Variants in UBE2J2 observed in about 807,000 individuals in gnomAD.
UBE2J2 encodes ubiquitin conjugating enzyme E2 J2.
Under a neutral mutation model 28.6 loss-of-function variants are expected in UBE2J2, and 5 were observed. The observed-to-expected ratio is 0.17, with a 90% CI of 0.09 to 0.37. The LOEUF (loss-of-function observed/expected upper bound fraction) is 0.37. Among genes scored for constraint, UBE2J2 ranks in the 10% least tolerant of loss-of-function variants. The pLI is 1.00. For synonymous variants in UBE2J2, 138 were observed against 139.7 expected (o/e 0.99, Z 0.09); for missense variants, 226 against 338.9 (o/e 0.67, Z 2.62).
intron 3 of UBE2J2, among the ~76,000 whole-genome samples, chr1:1,261,305 G>A (rs1488845554): frequency 2.6e-5 from 4 of 152,216 alleles, no homozygotes; most frequent in Admixed American, 6.5e-5. Flanking sequence ...TCTCTGAAGG[G>A]AGGCTTTCCT....
Position 1,254,958 on chromosome 1 carries a change from C to A in UBE2J2, c.*245G>T, listed in dbSNP as rs1206810505. ...CAAAGACAACACGGAAGATAAGCTA[C>A]AAATCCAGCACACAAGGCCCACCCA... is the stretch of plus-strand genomic sequence containing the variant. On this transcript the variant is annotated 3_prime_UTR_variant, in exon 7 of 7. Transcript: ENST00000349431. 17 of 444,552 alleles carry A rather than the reference C, an allele frequency of 3.8e-5. No homozygotes were observed. Among genetic ancestry groups the A allele is most frequent in the Non-Finnish European group, 6.8e-5 (17 of 251,494 alleles). 27.5% of individuals were successfully genotyped at this position (444,552 alleles called of 1,614,324 possible).
At position 1,256,376 on chromosome 1, in the gene UBE2J2, C is replaced by G. The variant is rs1250183323; in HGVS notation, c.415-251G>C. 7 of 417,518 alleles carry G rather than the reference C, an allele frequency of 1.7e-5. No homozygotes were observed. In the South Asian group the frequency reaches 1.7e-4, roughly 10 times the overall value. 25.9% of individuals were successfully genotyped at this position (417,518 alleles called of 1,614,324 possible). On this transcript the variant is annotated intron_variant, in intron 5 of 6. Coordinates refer to ENST00000349431, the MANE Select transcript of UBE2J2 (RefSeq NM_058167.3). ...CAAGCCACCAAAGCACCGGGCTCCCCGCTGACAAGGCCCGGGCCGTCTGTG... is the reference window on the plus strand; with the variant it reads ...CAAGCCACCAAAGCACCGGGCTCCCGGCTGACAAGGCCCGGGCCGTCTGTG...
At chr1:1,271,654 G>A (rs938056839) in intron 1 of UBE2J2, 6 of 152,140 alleles carry the variant, frequency 3.9e-5, no homozygotes, top group African/African-American at 1.2e-4. Context: ...ATCCCAATAT[G>A]ACAGCAGGAA....
In UBE2J2 at chr1:1,254,786, G is replaced by A. The variant is rs55704653; in HGVS notation, c.*417C>T. 1,409 of 162,274 alleles carry A rather than the reference G, an allele frequency of 8.7e-3. 14 individuals carry two copies. Among genetic ancestry groups the A allele is most frequent in the African/African-American group, 0.023 (980 of 41,844 alleles). The allele number at this position is 162,274 out of a possible 1,614,324, so 10.1% of individuals were successfully genotyped here. On this transcript the variant is annotated 3_prime_UTR_variant, in exon 7 of 7. Transcript: ENST00000349431. The stretch of plus-strand genomic sequence containing the variant: ...GACGCCAGCTCCACCCCTGGGCCCC[G>A]AGGTTCCCACCCGCTGAGGAGCCGG...
intron 5 of UBE2J2, chr1:1,256,385 G>C (rs1267597252): frequency 2.5e-6 from 1 of 402,112 alleles, no homozygotes; most frequent in African/African-American, 2.1e-5. Context: ...CCGCTGACAA[G>C]GCCCGGGCCG....
At chr1:1,262,360 C>A (rs1639615151) in intron 3 of UBE2J2, 1 of 456,010 alleles carries the variant, frequency 2.2e-6, no homozygotes, top group African/African-American at 2.0e-5. Flanking sequence ...CTCTGGCTGC[C>A]CTAGTTGCAG....
At chr1:1,266,843 AT>A (rs1037072203) in intron 2 of UBE2J2, among the ~76,000 whole-genome samples, 292 of 151,640 alleles carry the variant, frequency 1.9e-3, no homozygotes, top group African/African-American at 4.3e-3. Flanking sequence ...ATAATAAGTA[AT>A]TTTTTTTTAA....
rs993915052 is a variant in UBE2J2, at chr1:1,268,763, G to A, written c.1-771C>T. Among the ~76,000 whole-genome samples the A allele has an allele frequency of 6.6e-6, 1 of 152,148 alleles. No homozygotes were observed. Among genetic ancestry groups the A allele is most frequent in the Non-Finnish European group, 1.5e-5 (1 of 68,026 alleles). On this transcript the variant is annotated intron_variant, in intron 1 of 6. Coordinates refer to ENST00000349431, the MANE Select transcript of UBE2J2 (RefSeq NM_058167.3). This position sits in a 1 kb window ranked among gnomAD's most constrained non-coding sequence, Gnocchi z 4.7. Reference sequence around the variant, plus strand: ...CCCAGGCTGGAGTCACTGTGGCCTTGACCACCTCGGCTCAAGCAATCCTCC... The same window carrying A: ...CCCAGGCTGGAGTCACTGTGGCCTTAACCACCTCGGCTCAAGCAATCCTCC...
intron 1 of UBE2J2, among the ~76,000 whole-genome samples, chr1:1,272,510 T>G (rs1009284380): frequency 6.6e-6 from 1 of 152,182 alleles, no homozygotes; most frequent in African/African-American, 2.4e-5. Context: ...GGTCCAGGAC[T>G]GCCAGGGAAG....
At chr1:1,269,961 G>A (rs1430205998) in intron 1 of UBE2J2, among the ~76,000 whole-genome samples, 1 of 152,150 alleles carries the variant, frequency 6.6e-6, no homozygotes, top group Non-Finnish European at 1.5e-5. Context: ...CCATGTTGAG[G>A]GAGGGACCTT....
chr1:1,263,627 A>C (rs1639684715), intron 2 of UBE2J2: 1 of 426,416 alleles, frequency 2.3e-6, no homozygotes, highest in African/African-American at 2.0e-5. Context: ...TTTACCATAA[A>C]GTACCTTTGT....
intron 2 of UBE2J2, chr1:1,266,251 C>T (rs1010891495): frequency 4.8e-6 from 5 of 1,041,690 alleles, no homozygotes; most frequent in Middle Eastern, 2.6e-4. Context: ...CTGACCAAGC[C>T]GAAACACATT....
chr1:1,255,573 C>T (rs780301300), intron 6 of UBE2J2, 86 bp from the exon 7 acceptor site: 1 of 1,460,490 alleles, frequency 6.8e-7, no homozygotes, highest in Non-Finnish European at 9.3e-7. Context: ...GTCCACGGTC[C>T]ACCACCAAGA....
Position 1,255,437 on chromosome 1 carries a change from C to G in UBE2J2, c.546G>C (p.Gln182His), listed in dbSNP as rs1340425071. 7 of 1,613,870 alleles carry G rather than the reference C, an allele frequency of 4.3e-6. No homozygotes were observed. The highest frequency in any genetic ancestry group is 1.7e-4 in the Middle Eastern group (1 of 6,060). The change falls in exon 7 of 7, where the codon CAG becomes CAC. Residue 182 changes from glutamine (Q) to histidine (H), a missense_variant. Gln to His is a conservative substitution (Grantham distance 24). This residue lies in a region of UBE2J2 where 133 missense variants were observed against 161.5 expected (regional missense o/e 0.82). Coordinates refer to ENST00000349431, the MANE Select transcript of UBE2J2 (RefSeq NM_058167.3). Reference protein sequence around the residue: ...KAQDELSSRPQTLPLPDVVPD... With the variant: ...KAQDELSSRPHTLPLPDVVPD... ...GAACCACGTCTGGCAAGGGGAGAGT[C>G]TGGGGTCTGCTACTGAGTTCGTCTT...
intron 5 of UBE2J2, 136 bp from the exon 6 acceptor site, chr1:1,256,261 AAACT>A (rs1195745148): frequency 3.2e-6 from 2 of 623,168 alleles, no homozygotes; most frequent in African/African-American, 1.8e-5. Flanking sequence ...TCTTCACAGC[AAACT>A]AACTTATAGT....
At chr1:1,261,916 G>A (rs569640974) in intron 3 of UBE2J2, among the ~76,000 whole-genome samples, 126 of 152,006 alleles carry the variant, frequency 8.3e-4, no homozygotes, top group African/African-American at 2.8e-3. Flanking sequence ...GGAATACAAC[G>A]GCACGACCTC....
Position 1,268,136 on chromosome 1 carries a change from G to T in UBE2J2, c.1-144C>A. The T allele has an allele frequency of 8.9e-7, 1 of 1,118,946 alleles. No homozygotes were observed. The highest frequency in any genetic ancestry group is 1.3e-6 in the Non-Finnish European group (1 of 779,372). 69.3% of individuals were successfully genotyped at this position (1,118,946 alleles called of 1,614,324 possible). A position where few individuals can be genotyped will look rare whatever the true frequency, so the allele number is the denominator to read the frequency against. ...GAGTCACAGCTCACAGGTCACCCTC[G>T]CTTGCCACCCGCCCAGACACCCAGA... On this transcript the variant is annotated intron_variant, in intron 1 of 6. Transcript: ENST00000349431. The surrounding 1 kb of genome is among the most constrained non-coding windows in gnomAD (Gnocchi z 4.7).
intron 3 of UBE2J2, among the ~76,000 whole-genome samples, chr1:1,259,867 T>C (rs1199885497): frequency 6.6e-6 from 1 of 152,206 alleles, no homozygotes; most frequent in Admixed American, 6.5e-5. Context: ...CAGAACGCCC[T>C]GGACCCAATA....
intron 1 of UBE2J2, among the ~76,000 whole-genome samples, chr1:1,272,515 G>A (rs911283391): frequency 7.2e-5 from 11 of 152,290 alleles, no homozygotes; most frequent in Non-Finnish European, 1.5e-4. Context: ...AGGACTGCCA[G>A]GGAAGTCTCT....
Sources: allele counts gnomAD v4.1 joint callset (sites outside exome capture counted in the v4.1 genomes callset), GRCh38; gene constraint gnomAD v4.1.1; regional missense constraint gnomAD v4.1.1; non-coding constraint Gnocchi (gnomAD v3.1); transcripts MANE v1.5; gene names NCBI Gene and HGNC (gene_info 2026-07-23, HGNC 2026-07-21).